The following TMEM17 variants were observed in gnomAD, a reference collection of about 807,000 sequenced individuals.
TMEM17 encodes transmembrane protein 17.
TMEM17 carries 15 observed loss-of-function variants against 19.1 expected under a neutral mutation model. The ratio of observed to expected loss-of-function variants is 0.78; its 90% confidence interval spans 0.52 to 1.21. The LOEUF (loss-of-function observed/expected upper bound fraction) is 1.21. Ranked by LOEUF, TMEM17 falls within the 50% of genes most tolerant of loss-of-function variation. The pLI is 0.00. For missense variants in TMEM17, 245 were observed against 242.3 expected (o/e 1.01, Z -0.07); for synonymous variants, 103 against 86.9 (o/e 1.19, Z -1.03).
chr2:62,496,996 G>C (rs1164802387), downstream of TMEM17, among the ~76,000 whole-genome samples: 1 of 152,188 alleles, frequency 6.6e-6, no homozygotes, highest in Non-Finnish European at 1.5e-5. Flanking sequence ...CTGTGGGTGT[G>C]GGGGAGATAA....
chr2:62,477,554 C>T, the TMEM17 span, among the ~76,000 whole-genome samples: 1 of 152,218 alleles, frequency 6.6e-6, no homozygotes, highest in Non-Finnish European at 1.5e-5. Flanking sequence ...AGTGGGCTCC[C>T]ATTAGTGTCC....
the TMEM17 span, among the ~76,000 whole-genome samples, chr2:62,454,703 G>T: frequency 7.9e-5 from 12 of 152,134 alleles, no homozygotes; most frequent in South Asian, 1.2e-3. Context: ...ATTTATGTAT[G>T]TATTTATTTA....
chr2:62,492,082 G>T, the TMEM17 span, among the ~76,000 whole-genome samples: 12 of 152,140 alleles, frequency 7.9e-5, no homozygotes, highest in African/African-American at 2.9e-4. Flanking sequence ...AAGTCGGAGG[G>T]TCCAAGGCTG....
chr2:62,505,933 C>T (rs1680058667), intron 1 of TMEM17, 97 bp downstream of exon 1: 1 of 1,154,912 alleles, frequency 8.7e-7, no homozygotes, highest in Non-Finnish European at 1.3e-6. Flanking sequence ...CTGAAGGCGA[C>T]ATCGCCATTT....
Position 62,500,975 on chromosome 2 carries a change from AT to A in TMEM17, c.*233del. On this transcript the variant is annotated 3_prime_UTR_variant, in exon 4 of 4. Transcript: ENST00000335390. Reference sequence around the variant, plus strand: ...CTACACTCCTGAAAAAGACAACAACATCAAAAAAAATTAAGAAATTTGGCAT... The same window carrying A: ...CTACACTCCTGAAAAAGACAACAACACAAAAAAAATTAAGAAATTTGGCAT... The A allele has an allele frequency of 2.6e-6, 1 of 382,600 alleles. No homozygotes were observed. Among genetic ancestry groups the A allele is most frequent in the Non-Finnish European group, 4.6e-6 (1 of 217,922 alleles). The allele number at this position is 382,600 out of a possible 1,614,324, so 23.7% of individuals were successfully genotyped here. A position where few individuals can be genotyped will look rare whatever the true frequency, so the allele number is the denominator to read the frequency against.
chr2:62,501,303 T>A lies in TMEM17; in HGVS notation c.503A>T (p.Gln168Leu). Residue 168 changes from glutamine (Q) to leucine (L), a missense_variant, in exon 4 of 4, where the codon CAG (glutamine) becomes CTG (leucine). Gln to Leu is a moderately radical substitution (Grantham distance 113). Transcript: ENST00000335390. ...AFLTLRKMVNQLAVRFHLQDF... is the reference protein window; with the variant it reads ...AFLTLRKMVNLLAVRFHLQDF... ...TTGGAGGTGGAAACGAACTGCCAAC[T>A]GATTAACCATTTTCCTTAAGGTAAG... The A allele has an allele frequency of 1.9e-6, 3 of 1,614,218 alleles. No individual in the cohort carries two copies. The highest frequency in any genetic ancestry group is 8.5e-7 in the Non-Finnish European group (1 of 1,180,032).
chr2:62,493,852 CCA>C, the TMEM17 span, among the ~76,000 whole-genome samples: 284 of 152,290 alleles, frequency 1.9e-3, no homozygotes, highest in Non-Finnish European at 3.4e-3. Context: ...ACTTCCGACG[CCA>C]GTCTTTTCAG....
chr2:62,476,039 C>T, the TMEM17 span, among the ~76,000 whole-genome samples: 1 of 152,236 alleles, frequency 6.6e-6, no homozygotes, highest in Non-Finnish European at 1.5e-5. Context: ...GCTCTGGCCA[C>T]TGCCTGCGTG....
At chr2:62,459,938 A>G in the TMEM17 span, among the ~76,000 whole-genome samples, 692 of 152,348 alleles carry the variant, frequency 4.5e-3, 3 homozygotes, top group African/African-American at 0.016. Context: ...TGCCCCACTC[A>G]TAATCATTTT....
the TMEM17 span, among the ~76,000 whole-genome samples, chr2:62,453,907 G>A: frequency 4.6e-5 from 7 of 152,194 alleles, no homozygotes; most frequent in Non-Finnish European, 1.0e-4. Flanking sequence ...AGGTAAGAGT[G>A]GGAGAAATTT....
At chr2:62,468,832 G>A in the TMEM17 span, among the ~76,000 whole-genome samples, 1 of 152,286 alleles carries the variant, frequency 6.6e-6, no homozygotes, top group South Asian at 2.1e-4. Flanking sequence ...AGGTGGGAGG[G>A]GACTAGCTAG....
At chr2:62,480,587 G>A in the TMEM17 span, among the ~76,000 whole-genome samples, 2 of 152,034 alleles carry the variant, frequency 1.3e-5, no homozygotes, top group Non-Finnish European at 2.9e-5. Context: ...TTTGATTAAG[G>A]GTGAGATGTA....
downstream of TMEM17, among the ~76,000 whole-genome samples, chr2:62,498,215 C>T (rs10191324): frequency 0.093 from 14,034 of 150,352 alleles, 884 homozygotes; most frequent in East Asian, 0.29. Flanking sequence ...TGAAACCCTG[C>T]CTCTACTAAA....
intron 1 of TMEM17, among the ~76,000 whole-genome samples, chr2:62,503,869 G>A (rs1428536279): frequency 6.6e-6 from 1 of 152,220 alleles, no homozygotes; most frequent in Non-Finnish European, 1.5e-5. Flanking sequence ...TGTGATACAT[G>A]AGTTCCATTT....
chr2:62,481,698 GGTGTGTGTGTGTGTGT>G, the TMEM17 span, among the ~76,000 whole-genome samples: 1 of 144,052 alleles, frequency 6.9e-6, no homozygotes, highest in Non-Finnish European at 1.5e-5. Flanking sequence ...ACCCCTTAAA[GGTGTGTGTGTGTGTGT>G]GTGTGTGTGT....
At chr2:62,485,566 A>G in the TMEM17 span, among the ~76,000 whole-genome samples, 1 of 152,112 alleles carries the variant, frequency 6.6e-6, no homozygotes, top group African/African-American at 2.4e-5. Flanking sequence ...TGTGCTTTTG[A>G]CCTTGCTTTA....
chr2:62,469,744 G>T, the TMEM17 span, among the ~76,000 whole-genome samples: 1 of 152,248 alleles, frequency 6.6e-6, no homozygotes, highest in Non-Finnish European at 1.5e-5. Flanking sequence ...GCATAGGAAA[G>T]TGTGCAAGGA....
chr2:62,501,556 G>A, intron 3 of TMEM17, 69 bp from the exon 4 acceptor site: 5 of 1,453,718 alleles, frequency 3.4e-6, no homozygotes, highest in Non-Finnish European at 4.6e-6. Context: ...AGATAAACAA[G>A]TACTTATCAC....
At chr2:62,486,850 T>C in the TMEM17 span, among the ~76,000 whole-genome samples, 13 of 152,214 alleles carry the variant, frequency 8.5e-5, no homozygotes, top group African/African-American at 3.1e-4. Context: ...GCTACATCAC[T>C]CTCAGGTTGG....
Sources: gnomAD v4.1 joint callset for allele counts (sites outside exome capture counted in the v4.1 genomes callset) on GRCh38, gnomAD v4.1.1 for gene constraint, MANE v1.5 for transcripts, NCBI Gene and HGNC (gene_info 2026-07-23, HGNC 2026-07-21) for gene names.